Variants in LOC128706666 observed in about 807,000 individuals in gnomAD.
At chr20:10,427,043 C>G in the LOC128706666 span, among the ~76,000 whole-genome samples, 358 of 123,000 alleles carry the variant, frequency 2.9e-3, 6 homozygotes, top group South Asian at 0.041. Flanking sequence ...CACACACACA[C>G]ACACACACAC....
chr20:10,423,394 G>A, the LOC128706666 span, among the ~76,000 whole-genome samples: 2 of 152,060 alleles, frequency 1.3e-5, no homozygotes, highest in Admixed American at 1.3e-4. Context: ...TGCACTCCAG[G>A]ACAGGTGATG....
the LOC128706666 span, among the ~76,000 whole-genome samples, chr20:10,415,134 C>CA: frequency 6.6e-6 from 1 of 152,162 alleles, no homozygotes. Context: ...AAATTCCTGA[C>CA]ACATTAATAA....
chr20:10,428,874 C>T, the LOC128706666 span, among the ~76,000 whole-genome samples: 1 of 152,060 alleles, frequency 6.6e-6, no homozygotes. Context: ...AAACTCCTTG[C>T]CTGCTGTCAG....
chr20:10,416,216 T>C, the LOC128706666 span, among the ~76,000 whole-genome samples: 1 of 152,182 alleles, frequency 6.6e-6, no homozygotes. Flanking sequence ...GCATGACTTC[T>C]TCTAAATTAA....
chr20:10,414,076 TA>T, the LOC128706666 span: 1 of 368,588 alleles, frequency 2.7e-6, no homozygotes, highest in Non-Finnish European at 4.8e-6. Flanking sequence ...ATGAGAAAGG[TA>T]GACCAACTTT....
At chr20:10,424,132 A>G in the LOC128706666 span, among the ~76,000 whole-genome samples, 22 of 152,358 alleles carry the variant, frequency 1.4e-4, no homozygotes, top group African/African-American at 4.3e-4. Flanking sequence ...CATAAAAACA[A>G]TAAGTATCAC....
chr20:10,414,457 G>C, the LOC128706666 span, among the ~76,000 whole-genome samples: 3 of 151,940 alleles, frequency 2.0e-5, no homozygotes, highest in African/African-American at 7.3e-5. Flanking sequence ...TAGAGATGGG[G>C]TTTCTCCATG....
the LOC128706666 span, among the ~76,000 whole-genome samples, chr20:10,424,592 A>G: frequency 6.6e-6 from 1 of 152,154 alleles, no homozygotes; most frequent in Non-Finnish European, 1.5e-5. Context: ...CAAAAAAAAA[A>G]ATAGTTTTCA....
At chr20:10,433,510 T>C in the LOC128706666 span, among the ~76,000 whole-genome samples, 2 of 152,116 alleles carry the variant, frequency 1.3e-5, no homozygotes, top group Non-Finnish European at 2.9e-5. Flanking sequence ...AATGAATGAA[T>C]GAAACCGTCA....
the LOC128706666 span, among the ~76,000 whole-genome samples, chr20:10,430,964 ACCT>A: frequency 1.3e-5 from 2 of 152,138 alleles, no homozygotes; most frequent in African/African-American, 4.8e-5. Context: ...TCAAAGTCTA[ACCT>A]CCACCACAAA....
the LOC128706666 span, among the ~76,000 whole-genome samples, chr20:10,414,261 G>A: frequency 1.4e-5 from 2 of 143,102 alleles, no homozygotes; most frequent in South Asian, 4.7e-4. Context: ...TTAGGTCTCT[G>A]AGTCTTTTTT....
the LOC128706666 span, among the ~76,000 whole-genome samples, chr20:10,420,083 C>T: frequency 6.6e-6 from 1 of 151,972 alleles, no homozygotes; most frequent in Non-Finnish European, 1.5e-5. Context: ...TAACTTCATC[C>T]TCTTTATTTC....
At chr20:10,431,018 A>G in the LOC128706666 span, among the ~76,000 whole-genome samples, 3 of 152,190 alleles carry the variant, frequency 2.0e-5, no homozygotes, top group African/African-American at 7.2e-5. Context: ...TCCTGCCTCA[A>G]TGTCATGATC....
the LOC128706666 span, among the ~76,000 whole-genome samples, chr20:10,418,046 T>C: frequency 6.6e-6 from 1 of 152,190 alleles, no homozygotes; most frequent in Non-Finnish European, 1.5e-5. Context: ...AATTCAGAAA[T>C]ATAAACATGG....
the LOC128706666 span, among the ~76,000 whole-genome samples, chr20:10,419,493 A>T: frequency 6.6e-6 from 1 of 152,194 alleles, no homozygotes; most frequent in East Asian, 1.9e-4. Context: ...TCCCCCATTT[A>T]TCTATGAGGG....
chr20:10,417,191 C>T, the LOC128706666 span, among the ~76,000 whole-genome samples: 1 of 147,284 alleles, frequency 6.8e-6, no homozygotes, highest in Admixed American at 6.9e-5. Context: ...GCAGAGGTTG[C>T]AGTGAGCCGA....
the LOC128706666 span, chr20:10,413,943 TA>T: frequency 1.7e-5 from 7 of 404,626 alleles, no homozygotes; most frequent in East Asian, 1.4e-4. Context: ...TAATAAATAA[TA>T]AAAAAAACAT....
chr20:10,415,360 T>G, the LOC128706666 span, among the ~76,000 whole-genome samples: 2 of 152,174 alleles, frequency 1.3e-5, no homozygotes, highest in Non-Finnish European at 2.9e-5. Flanking sequence ...AAACCTTGAT[T>G]TGAAGATGTG....
chr20:10,433,371 A>ATTGT, the LOC128706666 span, among the ~76,000 whole-genome samples: 2 of 152,188 alleles, frequency 1.3e-5, no homozygotes, highest in African/African-American at 4.8e-5. Flanking sequence ...TAGGGAGCGT[A>ATTGT]TTGTTTCTCC....
Sources: allele counts gnomAD v4.1 joint callset (sites outside exome capture counted in the v4.1 genomes callset), GRCh38; gene constraint gnomAD v4.1.1; transcripts MANE v1.5.